Variants in DOCK1 observed in about 807,000 individuals in gnomAD.
The protein encoded by DOCK1 is dedicator of cytokinesis protein 1.
A neutral mutation model predicts 262.7 loss-of-function variants in DOCK1; 138 were observed. That is an observed-to-expected ratio of 0.53 (90% CI 0.46 to 0.61). DOCK1 has a LOEUF of 0.61. Among genes scored for constraint, DOCK1 ranks in the 20% least tolerant of loss-of-function variants. The pLI is 0.00. For missense variants in DOCK1, 1,908 were observed against 2,370.7 expected, an observed-to-expected ratio of 0.80 and a Z score of 4.05; for synonymous variants, 866 against 867.4, an observed-to-expected ratio of 1.00 and a Z score of 0.03.
chr10:127,379,674 C>T (rs984929752), intron 35 of DOCK1, among the ~76,000 whole-genome samples: 3 of 152,188 alleles, frequency 2.0e-5, no homozygotes, highest in Non-Finnish European at 2.9e-5. Flanking sequence ...GCCCAGAAAG[C>T]TTTAAATCAT....
chr10:126,961,091 A>G lies in DOCK1; in HGVS notation c.47-9611A>G, dbSNP rs1201328144. Among the ~76,000 whole-genome samples the G allele has an allele frequency of 2.0e-5, 3 of 152,116 alleles. No homozygotes were observed. In the East Asian group the frequency reaches 5.8e-4, roughly 29 times the overall value. The stretch of plus-strand genomic sequence containing the variant: ...GCCAAAAAGAAATATTGAATAACAA[A>G]TGATGGTTCCTCTGTCTCACCAGGC... On this transcript the variant is annotated intron_variant, in intron 1 of 51. Transcript: ENST00000623213.
chr10:127,061,590 T>C, intron 22 of DOCK1, 78 bp from the exon 23 acceptor site: 1 of 1,230,448 alleles, frequency 8.1e-7, no homozygotes, highest in Non-Finnish European at 1.2e-6. Context: ...AGTGATTCCC[T>C]TCATGGCTAT....
intron 23 of DOCK1, among the ~76,000 whole-genome samples, chr10:127,092,153 G>A (rs898240301): frequency 2.0e-5 from 3 of 152,196 alleles, no homozygotes; most frequent in Admixed American, 6.5e-5. Context: ...CCATCACTGC[G>A]GAAAGTTCTG....
intron 1 of DOCK1, among the ~76,000 whole-genome samples, chr10:126,931,212 A>C (rs932381661): frequency 2.8e-4 from 43 of 152,196 alleles, no homozygotes; most frequent in Non-Finnish European, 5.6e-4. Flanking sequence ...CAAGCCTCTC[A>C]TGAGCTTAGA....
chr10:127,288,804 C>CAT (rs1405846638), intron 29 of DOCK1, among the ~76,000 whole-genome samples: 1 of 147,416 alleles, frequency 6.8e-6, no homozygotes, highest in Non-Finnish European at 1.5e-5. Context: ...CACACACACA[C>CAT]ACATAAAATA....
chr10:127,360,494 C>T (rs1489438102), intron 32 of DOCK1, among the ~76,000 whole-genome samples: 2 of 152,186 alleles, frequency 1.3e-5, no homozygotes, highest in African/African-American at 4.8e-5. Context: ...AGGTATGATA[C>T]CAAGATTTCC....
chr10:126,979,243 A>G (rs771362133), intron 3 of DOCK1, among the ~76,000 whole-genome samples: 24 of 152,174 alleles, frequency 1.6e-4, no homozygotes, highest in Non-Finnish European at 2.9e-4. Context: ...AATTCCAGCC[A>G]GGCCCAAAGA....
intron 38 of DOCK1, among the ~76,000 whole-genome samples, chr10:127,402,007 C>G (rs559241343): frequency 2.0e-5 from 3 of 152,152 alleles, no homozygotes; most frequent in Non-Finnish European, 2.9e-5. Flanking sequence ...CTGGCGCTAC[C>G]GTCTTGTGGG....
At chr10:127,355,204 G>A (rs1179965320) in intron 32 of DOCK1, among the ~76,000 whole-genome samples, 2 of 151,532 alleles carry the variant, frequency 1.3e-5, no homozygotes, top group Non-Finnish European at 2.9e-5. Context: ...GTCTGTGTGT[G>A]TATATGAAAT....
intron 27 of DOCK1, among the ~76,000 whole-genome samples, chr10:127,222,249 G>A (rs957117696): frequency 2.6e-5 from 4 of 152,132 alleles, no homozygotes; most frequent in African/African-American, 7.2e-5. Flanking sequence ...TTTTTAATCA[G>A]GATCTGCGCT....
chr10:127,419,936 G>C (rs961397762), intron 46 of DOCK1, among the ~76,000 whole-genome samples, 187 bp downstream of exon 46: 2 of 152,204 alleles, frequency 1.3e-5, no homozygotes, highest in African/African-American at 4.8e-5. Flanking sequence ...CTGCAGTCAG[G>C]AATTTGAACA....
intron 47 of DOCK1, among the ~76,000 whole-genome samples, chr10:127,430,335 G>A (rs1457619380): frequency 6.6e-6 from 1 of 152,232 alleles, no homozygotes; most frequent in East Asian, 1.9e-4. Flanking sequence ...CTCAGAGGCT[G>A]TTGGGAGGGG....
Position 126,998,223 on chromosome 10 carries a change from T to TG in DOCK1, c.742dup (p.Asp248GlyfsTer10), listed in dbSNP as rs768625958. The TG allele has an allele frequency of 8.1e-5, 131 of 1,614,038 alleles. 3 individuals are homozygous for TG. Among genetic ancestry groups the TG allele is most frequent in the South Asian group, 7.4e-4 (67 of 91,082 alleles). On this transcript the variant is annotated frameshift_variant, in exon 8 of 52. Coordinates refer to ENST00000623213, the MANE Select transcript of DOCK1 (RefSeq NM_001290223.2). LOFTEE classifies it high-confidence loss of function. ...ATGCTGAAGTCCTCATGTCTCTATA[T>TG]GACCCTGTGGAGTCCAAATTCATCA...
chr10:127,397,975 C>T lies in DOCK1; in HGVS notation c.3928-5080C>T, dbSNP rs550928619. ...AGGAAGCGACTCCTGTATTACACAA[C>T]AGTGACTCCGATTTGGCAAGGCAGA... On this transcript the variant is annotated intron_variant, in intron 38 of 51. Coordinates refer to ENST00000623213, the MANE Select transcript of DOCK1 (RefSeq NM_001290223.2). Among the ~76,000 whole-genome samples the T allele has an allele frequency of 5.3e-5, 8 of 152,282 alleles. No individual in the cohort carries two copies. In the East Asian group the frequency reaches 1.5e-3, roughly 29 times the overall value.
At chr10:127,109,295 G>T (rs1299463904) in intron 24 of DOCK1, among the ~76,000 whole-genome samples, 6 of 152,096 alleles carry the variant, frequency 3.9e-5, no homozygotes, top group Non-Finnish European at 7.4e-5. Flanking sequence ...TTTAATTTGT[G>T]TTTATGTAGT....
intron 33 of DOCK1, among the ~76,000 whole-genome samples, chr10:127,363,854 T>C (rs989620241): frequency 1.3e-5 from 2 of 152,176 alleles, no homozygotes; most frequent in Non-Finnish European, 2.9e-5. Flanking sequence ...GAGACTGAGA[T>C]TCACAGGCTT....
At chr10:127,444,532 A>T (rs754330364) in intron 50 of DOCK1, among the ~76,000 whole-genome samples, 1 of 152,100 alleles carries the variant, frequency 6.6e-6, no homozygotes, top group Admixed American at 6.5e-5. Flanking sequence ...CCCAGGGTCC[A>T]TGTGGAGGGG....
intron 4 of DOCK1, among the ~76,000 whole-genome samples, chr10:126,986,832 C>T (rs2039431712): frequency 6.6e-6 from 1 of 152,124 alleles, no homozygotes; most frequent in African/African-American, 2.4e-5. Flanking sequence ...ATCGCTTGAA[C>T]CTGGGAGGCA....
intron 38 of DOCK1, chr10:127,402,572 G>A: frequency 4.1e-6 from 2 of 489,748 alleles, no homozygotes; most frequent in Non-Finnish European, 8.2e-6. Flanking sequence ...GTCGAAGTCT[G>A]CCCTGTTATT....
Sources: allele counts gnomAD v4.1 joint callset (sites outside exome capture counted in the v4.1 genomes callset), GRCh38; gene constraint gnomAD v4.1.1; transcripts MANE v1.5; gene names NCBI Gene and HGNC (gene_info 2026-07-23, HGNC 2026-07-21).